Variants in SPMIP11 observed in about 807,000 individuals in gnomAD.
The protein encoded by SPMIP11 is long intergenic non-protein coding RNA 935.
the SPMIP11 span, among the ~76,000 whole-genome samples, chr12:48,740,031 T>C: frequency 6.6e-6 from 1 of 152,174 alleles, no homozygotes; most frequent in Non-Finnish European, 1.5e-5. Context: ...TCTCATATGC[T>C]CTTATATCCT....
At chr12:48,768,985 C>T in the SPMIP11 span, 1 of 1,613,962 alleles carries the variant, frequency 6.2e-7, no homozygotes, top group African/African-American at 1.3e-5. Context: ...TAGAGACATT[C>T]ACTGTGTTCC....
At chr12:48,763,247 G>A in the SPMIP11 span, among the ~76,000 whole-genome samples, 1 of 152,142 alleles carries the variant, frequency 6.6e-6, no homozygotes, top group Non-Finnish European at 1.5e-5. Context: ...ATGGCTCACT[G>A]CAGCCTCAAC....
chr12:48,768,358 C>CGCTG, the SPMIP11 span: 1 of 608,150 alleles, frequency 1.6e-6, no homozygotes, highest in African/African-American at 1.9e-5. Flanking sequence ...AGGGAACAGC[C>CGCTG]CTACCCCAAG....
At chr12:48,765,533 G>T in the SPMIP11 span, 1 of 699,766 alleles carries the variant, frequency 1.4e-6, no homozygotes, top group Non-Finnish European at 2.6e-6. Flanking sequence ...CCAGCCTCTT[G>T]GGAGCTATTT....
At chr12:48,739,273 A>C in the SPMIP11 span, among the ~76,000 whole-genome samples, 1 of 152,198 alleles carries the variant, frequency 6.6e-6, no homozygotes, top group Non-Finnish European at 1.5e-5. Context: ...TATGGGCTTC[A>C]TTCCAGAGCT....
At chr12:48,760,339 A>G in the SPMIP11 span, among the ~76,000 whole-genome samples, 2 of 151,630 alleles carry the variant, frequency 1.3e-5, no homozygotes, top group Non-Finnish European at 2.9e-5. Flanking sequence ...AAGCCTGGCT[A>G]ATTTTTTAAA....
chr12:48,728,376 G>C, the SPMIP11 span, among the ~76,000 whole-genome samples: 1 of 152,172 alleles, frequency 6.6e-6, no homozygotes, highest in African/African-American at 2.4e-5. Context: ...CACAGGAAAT[G>C]CTTCCAGAAC....
the SPMIP11 span, among the ~76,000 whole-genome samples, chr12:48,755,088 T>G: frequency 1.3e-5 from 2 of 152,156 alleles, no homozygotes; most frequent in Non-Finnish European, 2.9e-5. Context: ...GGCAAAGTAG[T>G]GAATAACTAA....
chr12:48,764,887 C>G, the SPMIP11 span: 1 of 702,966 alleles, frequency 1.4e-6, no homozygotes, highest in East Asian at 2.7e-5. Context: ...TTGACTGATG[C>G]TCAGAACTTC....
chr12:48,730,211 A>G, the SPMIP11 span, among the ~76,000 whole-genome samples: 5 of 152,298 alleles, frequency 3.3e-5, no homozygotes, highest in South Asian at 8.3e-4. Context: ...TAGGCTAGAC[A>G]AAGTGGAAGA....
the SPMIP11 span, among the ~76,000 whole-genome samples, chr12:48,754,827 G>C: frequency 6.6e-6 from 1 of 151,714 alleles, no homozygotes; most frequent in East Asian, 1.9e-4. Context: ...GCCCACTGCA[G>C]CTTCAACCTC....
At chr12:48,759,300 C>T in the SPMIP11 span, 4 of 702,824 alleles carry the variant, frequency 5.7e-6, no homozygotes, top group East Asian at 2.7e-5. Flanking sequence ...CAAGATACCA[C>T]GAAGCTGTCC....
At chr12:48,740,936 C>G in the SPMIP11 span, among the ~76,000 whole-genome samples, 1 of 151,900 alleles carries the variant, frequency 6.6e-6, no homozygotes, top group African/African-American at 2.4e-5. Context: ...CCCAGACTGG[C>G]CATTAATGTC....
At chr12:48,760,976 TA>T in the SPMIP11 span, among the ~76,000 whole-genome samples, 1 of 152,256 alleles carries the variant, frequency 6.6e-6, no homozygotes, top group African/African-American at 2.4e-5. Context: ...TTTGGCATTT[TA>T]TTGAACTGGG....
chr12:48,752,802 G>A, the SPMIP11 span, among the ~76,000 whole-genome samples: 1 of 151,190 alleles, frequency 6.6e-6, no homozygotes, highest in Non-Finnish European at 1.5e-5. Flanking sequence ...CTCCTGACTA[G>A]CTGGGATTAC....
At chr12:48,728,745 C>T in the SPMIP11 span, among the ~76,000 whole-genome samples, 1 of 148,212 alleles carries the variant, frequency 6.7e-6, no homozygotes, top group Non-Finnish European at 1.5e-5. Flanking sequence ...GGGGATATAG[C>T]ACAGACAAAG....
the SPMIP11 span, among the ~76,000 whole-genome samples, chr12:48,734,997 C>T: frequency 3.8e-5 from 3 of 78,958 alleles, no homozygotes; most frequent in African/African-American, 1.6e-4. Flanking sequence ...AAGCAAGACT[C>T]TGTCTCAAAA....
the SPMIP11 span, among the ~76,000 whole-genome samples, chr12:48,746,757 C>T: frequency 5.9e-5 from 9 of 151,792 alleles, no homozygotes; most frequent in African/African-American, 2.2e-4. Context: ...CCTGTCTCTA[C>T]TGAAAATACA....
chr12:48,731,873 G>A, the SPMIP11 span, among the ~76,000 whole-genome samples: 44 of 152,170 alleles, frequency 2.9e-4, no homozygotes, highest in African/African-American at 1.0e-3. Context: ...CTTTGGCCAG[G>A]CGCAATGGCT....
Sources: gnomAD v4.1 joint callset for allele counts (sites outside exome capture counted in the v4.1 genomes callset) on GRCh38, gnomAD v4.1.1 for gene constraint, MANE v1.5 for transcripts, NCBI Gene and HGNC (gene_info 2026-07-23, HGNC 2026-07-21) for gene names.